Variants in MYO16 observed in about 807,000 individuals in gnomAD.
MYO16 encodes myosin XVI.
A neutral mutation model predicts 205.3 loss-of-function variants in MYO16; 94 were observed. The observed-to-expected ratio is 0.46, with a 90% confidence interval of 0.39 to 0.54. The LOEUF (loss-of-function observed/expected upper bound fraction) is 0.54, where lower values mean the gene tolerates loss of function less well. MYO16 is among the 20% of genes least tolerant of loss of function. The pLI, the probability that MYO16 is intolerant of heterozygous loss-of-function variation, is 0.00. For synonymous variants in MYO16, 988 were observed against 954.0 expected (o/e 1.04, Z -0.66); for missense variants, 2,315 against 2,387.5 (o/e 0.97, Z 0.63).
chr13:108,852,829 A>T (rs1228319451), intron 10 of MYO16, among the ~76,000 whole-genome samples: 1 of 152,182 alleles, frequency 6.6e-6, no homozygotes, highest in Non-Finnish European at 1.5e-5. Flanking sequence ...TGAAGTATAG[A>T]CTATGTTTCA....
intron 23 of MYO16, among the ~76,000 whole-genome samples, chr13:109,046,033 C>T (rs932051407): frequency 4.7e-4 from 71 of 152,264 alleles, no homozygotes; most frequent in African/African-American, 1.7e-3. Flanking sequence ...GGCGGATCCT[C>T]GCCCTCCCTC....
At chr13:108,889,974 C>T (rs1289365459) in intron 14 of MYO16, among the ~76,000 whole-genome samples, 1 of 152,302 alleles carries the variant, frequency 6.6e-6, no homozygotes, top group East Asian at 1.9e-4. Flanking sequence ...CTCTGTCACA[C>T]AGGCTGGAGT....
chr13:109,008,333 A>G (rs1446456237), intron 21 of MYO16, among the ~76,000 whole-genome samples: 1 of 151,300 alleles, frequency 6.6e-6, no homozygotes, highest in African/African-American at 2.4e-5. Context: ...TGTATGCACT[A>G]CTGTACTATC....
chr13:108,855,437 C>T lies in MYO16; in HGVS notation c.1249-6C>T, dbSNP rs117493931. On this transcript the variant is annotated splice_region_variant and splice_polypyrimidine_tract_variant and intron_variant, in intron 10 of 34. Coordinates refer to ENST00000457511, the MANE Select transcript of MYO16 (RefSeq NM_001198950.3). The stretch of plus-strand genomic sequence containing the variant: ...AGAATTGATCATACTTTCGGTTCTT[C>T]CCCAGGTCAAGCTAATGCCTCCTGC... 15,253 of 1,543,394 alleles carry T rather than the reference C, an allele frequency of 9.9e-3. 99 individuals carry two copies. The highest frequency in any genetic ancestry group is 0.013 in the Non-Finnish European group (14,198 of 1,128,562).
chr13:109,176,800 A>C, intron 33 of MYO16, among the ~76,000 whole-genome samples: 2 of 141,368 alleles, frequency 1.4e-5, no homozygotes, highest in African/African-American at 2.7e-5. Flanking sequence ...GCACCCACTC[A>C]CCTGCCTCCC....
chr13:108,501,388 G>A, the MYO16 span, among the ~76,000 whole-genome samples: 204 of 152,154 alleles, frequency 1.3e-3, 2 homozygotes, highest in African/African-American at 4.4e-3. Context: ...CGGTAACCCC[G>A]GGTCCCACCT....
chr13:109,169,355 T>C (rs1184148722), intron 33 of MYO16, among the ~76,000 whole-genome samples: 1 of 138,878 alleles, frequency 7.2e-6, no homozygotes, highest in Non-Finnish European at 1.7e-5. Context: ...CATAAGTTAT[T>C]GAAATATAAA....
intron 1 of MYO16, among the ~76,000 whole-genome samples, chr13:108,601,799 T>C (rs1018823070): frequency 6.6e-6 from 1 of 152,142 alleles, no homozygotes; most frequent in Non-Finnish European, 1.5e-5. Context: ...GTGACCTTTA[T>C]GTTATCCTGA....
At chr13:108,752,808 ATTTTT>A (rs58645882) in intron 4 of MYO16, among the ~76,000 whole-genome samples, 4 of 90,576 alleles carry the variant, frequency 4.4e-5, no homozygotes, top group African/African-American at 1.6e-4. Flanking sequence ...TGCCCAGCTA[ATTTTT>A]TTTTTTTTTT....
intron 27 of MYO16, among the ~76,000 whole-genome samples, chr13:109,067,269 T>A (rs905829692): frequency 4.6e-5 from 7 of 152,210 alleles, no homozygotes; most frequent in Non-Finnish European, 8.8e-5. Flanking sequence ...TGATTTAATG[T>A]TTTTCCAAAT....
At chr13:108,508,049 A>T in the MYO16 span, among the ~76,000 whole-genome samples, 1 of 150,908 alleles carries the variant, frequency 6.6e-6, no homozygotes, top group African/African-American at 2.4e-5. Context: ...AGGTTTCTGG[A>T]TTTTTTTCTT....
At chr13:108,675,566 G>T (rs1882166551) in intron 2 of MYO16, among the ~76,000 whole-genome samples, 1 of 152,086 alleles carries the variant, frequency 6.6e-6, no homozygotes, top group African/African-American at 2.4e-5. Flanking sequence ...ATTGAAAAAA[G>T]AGGAAAAAAA....
At chr13:109,194,587 G>A (rs914746418) in intron 34 of MYO16, among the ~76,000 whole-genome samples, 7 of 152,286 alleles carry the variant, frequency 4.6e-5, no homozygotes, top group African/African-American at 7.2e-5. Flanking sequence ...TAATTCGGAC[G>A]TACAAACCAG....
intron 20 of MYO16, among the ~76,000 whole-genome samples, chr13:108,967,847 G>A (rs889795453): frequency 6.6e-6 from 1 of 152,124 alleles, no homozygotes; most frequent in Non-Finnish European, 1.5e-5. Context: ...AAAATGGGAA[G>A]CACTGCTCAC....
intron 4 of MYO16, among the ~76,000 whole-genome samples, chr13:108,742,584 C>T (rs983525709): frequency 5.3e-5 from 8 of 151,998 alleles, no homozygotes; most frequent in Non-Finnish European, 8.8e-5. Flanking sequence ...CTCTATAACT[C>T]GAATGTGTTC....
Position 109,133,005 on chromosome 13 carries a change from C to T in MYO16, c.4051+5455C>T, listed in dbSNP as rs1379706667. 2.0e-5 allele frequency among the ~76,000 whole-genome samples: 3 copies of T among 152,122 alleles called. 1 individual carries two copies. The highest frequency in any genetic ancestry group is 2.0e-4 in the Admixed American group (3 of 15,266). On this transcript the variant is annotated intron_variant, in intron 31 of 34. Coordinates refer to ENST00000457511, the MANE Select transcript of MYO16 (RefSeq NM_001198950.3). Reference sequence around the variant, plus strand: ...CTCAGGAAGGGCATGCCAACAGCATCGAGTGCAGTAGTGCAGTCAAGAGGG... The same window carrying T: ...CTCAGGAAGGGCATGCCAACAGCATTGAGTGCAGTAGTGCAGTCAAGAGGG...
intron 33 of MYO16, among the ~76,000 whole-genome samples, chr13:109,168,068 A>G (rs1318624980): frequency 6.6e-6 from 1 of 152,154 alleles, no homozygotes; most frequent in Non-Finnish European, 1.5e-5. Flanking sequence ...AAAGAATATT[A>G]GTGGGGTAGA....
intron 16 of MYO16, among the ~76,000 whole-genome samples, chr13:108,920,412 CTCTT>C (rs113689209): frequency 1.3e-5 from 2 of 150,192 alleles, no homozygotes; most frequent in African/African-American, 4.9e-5. Context: ...CCTTCTCTCT[CTCTT>C]TCTTTCTTTC....
chr13:109,202,428 T>G (rs1394870000), intron 34 of MYO16, among the ~76,000 whole-genome samples: 1 of 152,218 alleles, frequency 6.6e-6, no homozygotes, highest in African/African-American at 2.4e-5. Flanking sequence ...CACATTCTGG[T>G]TTTGATTAGC....
Sources: gnomAD v4.1 joint callset for allele counts (sites outside exome capture counted in the v4.1 genomes callset) on GRCh38, gnomAD v4.1.1 for gene constraint, MANE v1.5 for transcripts, NCBI Gene and HGNC (gene_info 2026-07-23, HGNC 2026-07-21) for gene names.